The following SPTBN4 variants were observed in gnomAD, a reference collection of about 807,000 sequenced individuals.
SPTBN4 encodes the protein spectrin beta, non-erythrocytic 4.
SPTBN4 carries 96 observed loss-of-function variants against 277.8 expected under a neutral mutation model. The observed-to-expected ratio is 0.35, with a 90% CI of 0.29 to 0.41. The LOEUF is 0.41. Ranked by LOEUF, SPTBN4 falls within the 10% of genes least tolerant of loss-of-function variation. The pLI is 1.00. For missense variants in SPTBN4, 3,006 were observed against 3,595.7 expected, an observed-to-expected ratio of 0.84 and a Z score of 4.19; for synonymous variants, 1,481 against 1,580.3, an observed-to-expected ratio of 0.94 and a Z score of 1.49.
Position 40,560,120 on chromosome 19 carries a change from C to A in SPTBN4, c.5671-39C>A. The A allele has an allele frequency of 6.5e-7, 1 of 1,549,386 alleles. No individual in the cohort carries two copies. Among genetic ancestry groups the A allele is most frequent in the South Asian group, 1.2e-5 (1 of 82,480 alleles). Reference sequence around the variant, plus strand: ...GTGGGAGGGAGGGCACAGCCTGGGCCCCGTGGAGGGCTGGCGCCCGACCTG... The same window carrying A: ...GTGGGAGGGAGGGCACAGCCTGGGCACCGTGGAGGGCTGGCGCCCGACCTG... On this transcript the variant is annotated intron_variant, in intron 26 of 35. Transcript: ENST00000598249. This position sits in a 1 kb window ranked among gnomAD's most constrained non-coding sequence, Gnocchi z 5.2.
At chr19:40,530,455 G>C (rs930616331) in intron 18 of SPTBN4, 36 of 971,792 alleles carry the variant, frequency 3.7e-5, no homozygotes, top group Non-Finnish European at 4.1e-5. Context: ...CGCGGCCGCC[G>C]CGCGGGGGCG....
chr19:40,486,308 G>A lies in SPTBN4; in HGVS notation c.170-1389G>A, dbSNP rs189674993. Among the ~76,000 whole-genome samples the A allele has an allele frequency of 3.8e-3, 575 of 152,208 alleles. 5 individuals are homozygous for A. The highest frequency in any genetic ancestry group is 4.6e-3 in the Non-Finnish European group (314 of 68,020). Reference sequence around the variant, plus strand: ...CCCCGTCTCAAGGGAAAAAAAAGGAGGGGTTGGGAAACAGCAAGTGTTGGC... The same window carrying A: ...CCCCGTCTCAAGGGAAAAAAAAGGAAGGGTTGGGAAACAGCAAGTGTTGGC... On this transcript the variant is annotated intron_variant, in intron 2 of 35. Transcript: ENST00000598249.
chr19:40,496,685 T>G (rs1363416981), intron 6 of SPTBN4, among the ~76,000 whole-genome samples: 1 of 152,112 alleles, frequency 6.6e-6, no homozygotes, highest in Non-Finnish European at 1.5e-5. Context: ...AAGCTGGGGC[T>G]CAAGCTCTGA....
chr19:40,557,918 CAAA>C (rs772813414), intron 26 of SPTBN4, among the ~76,000 whole-genome samples: 5 of 44,340 alleles, frequency 1.1e-4, no homozygotes, highest in Non-Finnish European at 1.9e-4. Context: ...TACTCTGTCT[CAAA>C]AAAAAAAAAA....
At position 40,494,817 on chromosome 19, in the gene SPTBN4, G is replaced by A. The variant is rs557420444; in HGVS notation, c.588-80G>A. 1.6e-5 allele frequency: 19 copies of A among 1,209,254 alleles called. No individual in the cohort carries two copies. In the East Asian group the frequency reaches 1.7e-4, roughly 11 times the overall value. The allele number at this position is 1,209,254 out of a possible 1,614,324, so 74.9% of individuals were successfully genotyped here. On this transcript the variant is annotated intron_variant, in intron 5 of 35. Coordinates refer to ENST00000598249, the MANE Select transcript of SPTBN4 (RefSeq NM_020971.3). ...CTCTCATCTTCCTTCCCTATCATTCGGTCTCCCTCTGTCTTTTTCCCCTTT... is the reference window on the plus strand; with the variant it reads ...CTCTCATCTTCCTTCCCTATCATTCAGTCTCCCTCTGTCTTTTTCCCCTTT...
chr19:40,502,649 A>C lies in SPTBN4; in HGVS notation c.1204-126A>C. ...AGTTTTTCAGTAGTAAAGTGTCATAAGGAAGCAATATTTTTTCCAATTTGC... is the reference window on the plus strand; with the variant it reads ...AGTTTTTCAGTAGTAAAGTGTCATACGGAAGCAATATTTTTTCCAATTTGC... On this transcript the variant is annotated intron_variant, in intron 10 of 35. Transcript: ENST00000598249. This position sits in a 1 kb window ranked among gnomAD's most constrained non-coding sequence, Gnocchi z 4.9. 9 of 1,472,484 alleles carry C rather than the reference A, an allele frequency of 6.1e-6. No individual in the cohort carries two copies. The highest frequency in any genetic ancestry group is 8.2e-6 in the Non-Finnish European group (9 of 1,091,364). The allele number at this position is 1,472,484 out of a possible 1,614,324, so 91.2% of individuals were successfully genotyped here. A position where few individuals can be genotyped will look rare whatever the true frequency, so the allele number is the denominator to read the frequency against.
intron 2 of SPTBN4, among the ~76,000 whole-genome samples, chr19:40,479,256 C>A (rs2079982158): frequency 2.0e-5 from 3 of 152,062 alleles, no homozygotes; most frequent in Admixed American, 2.0e-4. Flanking sequence ...GAGTTTGAGA[C>A]CGACCTGGAC....
In SPTBN4 at chr19:40,575,513, G is replaced by A; in HGVS notation, c.7639G>A (p.Glu2547Lys). ...ACTACCCACTACTTCATCCACAGAT[G>A]AGGGCAACCCTAAGAGGGAAGGCGG... ...QTLPTTSSTDEGNPKREGGDR... is the reference protein window; with the variant it reads ...QTLPTTSSTDKGNPKREGGDR... Residue 2547 changes from glutamate (E) to lysine (K), a missense_variant, in exon 36 of 36, where the codon GAG becomes AAG. By Grantham distance (56) the Glu-to-Lys change is moderately conservative. This residue lies in a region of SPTBN4 where 630 missense variants were observed against 677.6 expected (regional missense o/e 0.93). Transcript: ENST00000598249. 3 of 1,613,340 alleles carry A rather than the reference G, an allele frequency of 1.9e-6. No individual in the cohort carries two copies. The highest frequency in any genetic ancestry group is 2.5e-6 in the Non-Finnish European group (3 of 1,179,906).
intron 2 of SPTBN4, among the ~76,000 whole-genome samples, chr19:40,473,154 C>T (rs972514852): frequency 3.9e-5 from 6 of 152,252 alleles, no homozygotes; most frequent in Admixed American, 1.3e-4. Flanking sequence ...TCAAGCCATC[C>T]TCCTACCTCA....
Position 40,504,173 on chromosome 19 carries a change from G to A in SPTBN4, c.1665+41G>A, listed in dbSNP as rs765678922. 2.0e-6 allele frequency: 3 copies of A among 1,514,452 alleles called. 1 individual carries two copies. The East Asian group carries it at 6.9e-5, about 35-fold the overall frequency. 93.8% of individuals were successfully genotyped at this position (1,514,452 alleles called of 1,614,324 possible). A position where few individuals can be genotyped will look rare whatever the true frequency, so the allele number is the denominator to read the frequency against. ...CGGGGATGCGGGTGGAGTGCCAGGA[G>A]GGAGGGGAGGATGCAGACGCTGAAA... On this transcript the variant is annotated intron_variant, in intron 12 of 35. Coordinates refer to ENST00000598249, the MANE Select transcript of SPTBN4 (RefSeq NM_020971.3).
Position 40,503,989 on chromosome 19 carries a change from G to A in SPTBN4, c.1522G>A (p.Ala508Thr). ...EGYYDIRRVA[A>T]QRDSVLRQWA... ...CTACTACGATATCCGGCGGGTGGCA[G>A]CCCAGCGTGACAGCGTCCTGCGCCA... Residue 508 changes from alanine (A) to threonine (T), a missense_variant, in exon 12 of 36, where the codon GCC becomes ACC. By Grantham distance (58) the Ala-to-Thr change is moderately conservative. Coordinates refer to ENST00000598249, the MANE Select transcript of SPTBN4 (RefSeq NM_020971.3). 2 of 1,613,978 alleles carry A rather than the reference G, an allele frequency of 1.2e-6. No individual in the cohort carries two copies. The highest frequency in any genetic ancestry group is 1.7e-6 in the Non-Finnish European group (2 of 1,180,002).
At chr19:40,482,762 G>C (rs977334714) in intron 2 of SPTBN4, among the ~76,000 whole-genome samples, 2 of 152,024 alleles carry the variant, frequency 1.3e-5, no homozygotes, top group African/African-American at 4.8e-5. Context: ...GGGAGTTCGA[G>C]ACCAACCTGA....
intron 1 of SPTBN4, among the ~76,000 whole-genome samples, chr19:40,470,300 A>ATTTTTATT (rs2079870376): frequency 6.7e-6 from 1 of 148,338 alleles, no homozygotes; most frequent in African/African-American, 2.5e-5. Context: ...TGCCCGGCCT[A>ATTTTTATT]TTTTTATTTT....
chr19:40,549,469 G>A (rs2080893871), intron 21 of SPTBN4, 56 bp downstream of exon 21: 2 of 1,216,062 alleles, frequency 1.6e-6, no homozygotes, highest in South Asian at 1.7e-5. Context: ...GGGCGGAGAA[G>A]GTGGGCATGG....
intron 3 of SPTBN4, among the ~76,000 whole-genome samples, chr19:40,488,732 C>T (rs1217115101): frequency 1.3e-5 from 2 of 152,180 alleles, no homozygotes; most frequent in Non-Finnish European, 1.5e-5. Flanking sequence ...ATCGCTTGAG[C>T]CTGGGAGGTC....
intron 17 of SPTBN4, among the ~76,000 whole-genome samples, chr19:40,525,375 T>G (rs1408533792): frequency 6.8e-6 from 1 of 147,396 alleles, no homozygotes; most frequent in African/African-American, 2.5e-5. Context: ...CAGGCTGGAG[T>G]GCAGTGGTGC....
At chr19:40,557,802 C>A (rs1222943838) in intron 26 of SPTBN4, among the ~76,000 whole-genome samples, 2 of 150,986 alleles carry the variant, frequency 1.3e-5, no homozygotes, top group African/African-American at 4.9e-5. Flanking sequence ...CCTGTAATCC[C>A]AGCTACTTGG....
chr19:40,477,195 A>G (rs2079958968), intron 2 of SPTBN4, among the ~76,000 whole-genome samples: 1 of 151,888 alleles, frequency 6.6e-6, no homozygotes, highest in Non-Finnish European at 1.5e-5. Context: ...ATGCACCATC[A>G]TGCCCAGCTA....
intron 6 of SPTBN4, among the ~76,000 whole-genome samples, chr19:40,496,503 C>A (rs1029712135): frequency 1.3e-5 from 2 of 152,006 alleles, no homozygotes; most frequent in African/African-American, 4.8e-5. Context: ...AGGCTGGTTT[C>A]AAACTCCTGA....
Sources: allele counts gnomAD v4.1 joint callset (sites outside exome capture counted in the v4.1 genomes callset), GRCh38; gene constraint gnomAD v4.1.1; regional missense constraint gnomAD v4.1.1; non-coding constraint Gnocchi (gnomAD v3.1); transcripts MANE v1.5; gene names NCBI Gene and HGNC (gene_info 2026-07-23, HGNC 2026-07-21).